Variants in SLC22A25 observed in about 807,000 individuals in gnomAD.
SLC22A25 encodes the protein MGI:2442751, MGI:2385316, MGI:3042283, MGI:3645714, MGI:3605624, MGI:2442750.
SLC22A25 carries 44 observed loss-of-function variants against 45.9 expected under a neutral mutation model. That is an observed-to-expected ratio of 0.96 (90% CI 0.75 to 1.23). The LOEUF is 1.23. SLC22A25 is among the 50% of genes most tolerant of loss of function. SLC22A25 has a pLI of 0.00. For synonymous variants in SLC22A25, 283 were observed against 238.6 expected (o/e 1.19, Z -1.72); for missense variants, 800 against 666.4 (o/e 1.20, Z -2.21).
intron 7 of SLC22A25, among the ~76,000 whole-genome samples, chr11:63,193,903 C>A (rs535726776): frequency 1.5e-4 from 23 of 152,226 alleles, no homozygotes; most frequent in African/African-American, 4.8e-4. Flanking sequence ...TGCAAGGAAG[C>A]TAAAAACCTT....
intron 8 of SLC22A25, among the ~76,000 whole-genome samples, chr11:63,182,766 T>A (rs769203292): frequency 2.6e-5 from 4 of 152,128 alleles, no homozygotes; most frequent in Non-Finnish European, 5.9e-5. Flanking sequence ...CTTCTGGGAC[T>A]AAGTTCCATC....
chr11:63,192,121 G>A (rs1270020259), intron 7 of SLC22A25, among the ~76,000 whole-genome samples: 1 of 152,150 alleles, frequency 6.6e-6, no homozygotes, highest in Admixed American at 6.6e-5. Flanking sequence ...AAGCCCATTG[G>A]ACTAATAGTG....
In SLC22A25 at chr11:63,229,568, C is replaced by A. The variant is rs370074611; in HGVS notation, c.85G>T (p.Val29Phe). The A allele has an allele frequency of 1.9e-6, 3 of 1,613,974 alleles. No homozygotes were observed. Among genetic ancestry groups the A allele is most frequent in the Admixed American group, 1.7e-5 (1 of 59,996 alleles). ...AGCTGAGTTTGATGGTATACTATGA[C>A]GTTGAACATTATAAGGAAAACCATC... ...LQMVFLIMFN[V>F]IVYHQTQLEN... The change falls in exon 4 of 12, where the codon GTC (valine) becomes TTC (phenylalanine). Residue 29 changes from valine (V) to phenylalanine (F), a missense_variant. By Grantham distance (50) the Val-to-Phe change is conservative. Transcript: ENST00000306494.
At position 63,166,236 on chromosome 11, in the gene SLC22A25, A is replaced by C. The variant is rs763090125; in HGVS notation, c.1093T>G (p.Trp365Gly). ...FVRFASTIPF[W>G]GLTLHLQHLG... ...TGCTGGAGGTGCAAAGTAAGGCCCC[A>C]AAAAGGGATGGTACTTGCAAATCTG... The change falls in exon 10 of 12, where the codon TGG becomes GGG. Residue 365 changes from tryptophan (W) to glycine (G), a missense_variant. By Grantham distance (184) the Trp-to-Gly change is radical. Coordinates refer to ENST00000306494, the MANE Select transcript of SLC22A25 (RefSeq NM_199352.6). 2.2e-5 allele frequency: 35 copies of C among 1,613,842 alleles called. No homozygotes were observed. Among genetic ancestry groups the C allele is most frequent in the African/African-American group, 8.0e-5 (6 of 74,932 alleles).
chr11:63,228,345 C>T, intron 5 of SLC22A25, 116 bp downstream of exon 5: 1 of 766,758 alleles, frequency 1.3e-6, no homozygotes, highest in Non-Finnish European at 2.1e-6. Context: ...CTACAAATCC[C>T]TGGGGACCAA....
At chr11:63,193,806 G>T (rs1187035818) in intron 7 of SLC22A25, among the ~76,000 whole-genome samples, 1 of 152,222 alleles carries the variant, frequency 6.6e-6, no homozygotes, top group Non-Finnish European at 1.5e-5. Context: ...GCTGGACGGA[G>T]GTGACTTTGA....
chr11:63,169,108 C>T (rs2087786769), intron 9 of SLC22A25, among the ~76,000 whole-genome samples: 2 of 152,098 alleles, frequency 1.3e-5, no homozygotes, highest in South Asian at 2.1e-4. Flanking sequence ...TCTTTCCAGA[C>T]AAGTAAATGC....
At chr11:63,221,281 A>G (rs2089847981) in intron 5 of SLC22A25, among the ~76,000 whole-genome samples, 1 of 152,170 alleles carries the variant, frequency 6.6e-6, no homozygotes, top group Non-Finnish European at 1.5e-5. Context: ...CATCCTCACC[A>G]GCATTTATTA....
At chr11:63,204,725 C>G (rs576316856) in intron 7 of SLC22A25, among the ~76,000 whole-genome samples, 1 of 152,100 alleles carries the variant, frequency 6.6e-6, no homozygotes, top group African/African-American at 2.4e-5. Flanking sequence ...GACTTTAACA[C>G]CCCACTGTCA....
chr11:63,201,754 A>G (rs1162418469), intron 7 of SLC22A25, among the ~76,000 whole-genome samples: 1 of 152,138 alleles, frequency 6.6e-6, no homozygotes, highest in Non-Finnish European at 1.5e-5. Flanking sequence ...TTTGCAAACT[A>G]TGCATCCAAT....
In SLC22A25 at chr11:63,217,489, G is replaced by C. The variant is rs1565113642; in HGVS notation, c.662-7C>G. 1 of 1,612,990 alleles carries C rather than the reference G, an allele frequency of 6.2e-7. No homozygotes were observed. Among genetic ancestry groups the C allele is most frequent in the South Asian group, 1.1e-5 (1 of 90,996 alleles). On this transcript the variant is annotated splice_polypyrimidine_tract_variant and splice_region_variant and intron_variant, in intron 6 of 11. Transcript: ENST00000306494. The stretch of plus-strand genomic sequence containing the variant: ...TGAGTTATCCACTCTACAACTGAAA[G>C]AAAACACAAACAAGATTTAGCTTTA...
At chr11:63,175,021 T>C (rs2088034679) in intron 9 of SLC22A25, among the ~76,000 whole-genome samples, 1 of 152,146 alleles carries the variant, frequency 6.6e-6, no homozygotes, top group Admixed American at 6.6e-5. Flanking sequence ...TACTTATCCA[T>C]ATGTCAATGG....
intron 7 of SLC22A25, among the ~76,000 whole-genome samples, chr11:63,194,889 GCAAAAAAAAAAAAAAAAAAAAAAAAAA>G (rs2088953871): frequency 7.0e-5 from 1 of 14,288 alleles, no homozygotes; most frequent in Non-Finnish European, 1.4e-4. Context: ...CAAATGGAAA[GCAAAAAAAAAAAAAAAAAAAAAAAAAA>G]AAAAAAAAAA....
At chr11:63,195,449 C>G (rs1379367934) in intron 7 of SLC22A25, among the ~76,000 whole-genome samples, 1 of 152,182 alleles carries the variant, frequency 6.6e-6, no homozygotes, top group African/African-American at 2.4e-5. Flanking sequence ...GATTAAGAAA[C>G]TCACTCAAAA....
chr11:63,166,494 G>C, intron 9 of SLC22A25: 4 of 1,282,970 alleles, frequency 3.1e-6, no homozygotes, highest in Non-Finnish European at 3.9e-6. Flanking sequence ...GATGTGCTAT[G>C]GGGTTTATTT....
At chr11:63,180,848 C>G in intron 8 of SLC22A25, 73 bp from the exon 9 acceptor site, 1 of 1,030,040 alleles carries the variant, frequency 9.7e-7, no homozygotes, top group Non-Finnish European at 1.5e-6. Flanking sequence ...GACTTGTCAA[C>G]CAACAGATGA....
intron 7 of SLC22A25, among the ~76,000 whole-genome samples, chr11:63,189,269 T>G (rs1193841162): frequency 6.6e-6 from 1 of 152,234 alleles, no homozygotes; most frequent in African/African-American, 2.4e-5. Flanking sequence ...TTAGCTCTTC[T>G]TGTTGAATTG....
At chr11:63,209,443 C>T (rs1377651188) in intron 7 of SLC22A25, among the ~76,000 whole-genome samples, 1 of 152,112 alleles carries the variant, frequency 6.6e-6, no homozygotes, top group Admixed American at 6.5e-5. Context: ...AGGCAGGAGG[C>T]AGAGTCAGGA....
At chr11:63,240,465 C>A (rs891289074) in intron 1 of SLC22A25, among the ~76,000 whole-genome samples, 2 of 152,110 alleles carry the variant, frequency 1.3e-5, no homozygotes, top group Non-Finnish European at 2.9e-5. Flanking sequence ...AATATATAAA[C>A]AAACATTTTC....
Sources: allele counts gnomAD v4.1 joint callset (sites outside exome capture counted in the v4.1 genomes callset), GRCh38; gene constraint gnomAD v4.1.1; transcripts MANE v1.5; gene names NCBI Gene and HGNC (gene_info 2026-07-23, HGNC 2026-07-21).